Variants in PPP3CB observed in about 807,000 individuals in gnomAD.
PPP3CB encodes the protein protein phosphatase 3 catalytic subunit beta.
PPP3CB carries 8 observed loss-of-function variants against 66.4 expected under a neutral mutation model. That is an observed-to-expected ratio of 0.12 (90% CI 0.07 to 0.22). The LOEUF (loss-of-function observed/expected upper bound fraction) is 0.22, where lower values mean the gene tolerates loss of function less well. Among genes scored for constraint, PPP3CB ranks in the 10% least tolerant of loss-of-function variants. The pLI is 1.00. For missense variants in PPP3CB, 319 were observed against 642.5 expected (o/e 0.50, Z 5.44); for synonymous variants, 208 against 221.2 (o/e 0.94, Z 0.53).
chr10:73,457,925 G>A (rs1192043112), intron 9 of PPP3CB, among the ~76,000 whole-genome samples: 1 of 152,078 alleles, frequency 6.6e-6, no homozygotes, highest in Non-Finnish European at 1.5e-5. Flanking sequence ...AATAATATAT[G>A]TACATGGAGG....
intron 1 of PPP3CB, among the ~76,000 whole-genome samples, chr10:73,489,058 A>T (rs1024948778): frequency 1.3e-5 from 2 of 152,228 alleles, no homozygotes; most frequent in African/African-American, 4.8e-5. Context: ...AACCATTCTC[A>T]GTCTTTTACA....
intron 9 of PPP3CB, 24 bp downstream of exon 9, chr10:73,467,529 T>A (rs1409130693): frequency 2.7e-6 from 4 of 1,466,420 alleles, no homozygotes; most frequent in Non-Finnish European, 3.6e-6. Context: ...TAAAACAAAT[T>A]TTTTTTAAAA....
chr10:73,479,904 G>A (rs1343800608), intron 1 of PPP3CB, among the ~76,000 whole-genome samples: 1 of 152,098 alleles, frequency 6.6e-6, no homozygotes, highest in African/African-American at 2.4e-5. Flanking sequence ...AAGCATGTCT[G>A]TAATCACGAC....
rs764676045 is a variant in PPP3CB, at chr10:73,473,815, C to G, written c.523+1104G>C. ...TAAACATTGCAGGTTAAGAATTTCA[C>G]CAACTGTACCTGACTAGTCTTAAAA... On this transcript the variant is annotated intron_variant, in intron 4 of 13. Transcript: ENST00000360663. 2.4e-4 allele frequency among the ~76,000 whole-genome samples: 37 copies of G among 151,858 alleles called. 1 individual carries two copies. Among genetic ancestry groups the G allele is most frequent in the Non-Finnish European group, 4.7e-4 (32 of 67,976 alleles).
At chr10:73,465,191 G>A (rs1813770157) in intron 9 of PPP3CB, among the ~76,000 whole-genome samples, 1 of 151,960 alleles carries the variant, frequency 6.6e-6, no homozygotes, top group South Asian at 2.1e-4. Context: ...ACTCTACCTT[G>A]GTGTATGTTG....
At chr10:73,449,872 T>G (rs939064161) in intron 10 of PPP3CB, among the ~76,000 whole-genome samples, 1 of 152,072 alleles carries the variant, frequency 6.6e-6, no homozygotes, top group South Asian at 2.1e-4. Context: ...CTCGGCTCAC[T>G]GCAACCTCTG....
intron 3 of PPP3CB, 103 bp from the exon 4 acceptor site, chr10:73,475,133 ATCTT>A (rs1380715809): frequency 3.9e-5 from 54 of 1,375,888 alleles, no homozygotes; most frequent in Admixed American, 1.2e-4. Flanking sequence ...ATCCTCTATT[ATCTT>A]TCTTTGTCCC....
At chr10:73,484,532 A>G (rs557691838) in intron 1 of PPP3CB, among the ~76,000 whole-genome samples, 149 of 150,470 alleles carry the variant, frequency 9.9e-4, no homozygotes, top group Admixed American at 3.0e-3. Context: ...CGGCCTCCCA[A>G]AGTGCTGGGA....
At chr10:73,442,258 C>A (rs568635474) in intron 12 of PPP3CB, among the ~76,000 whole-genome samples, 1 of 152,272 alleles carries the variant, frequency 6.6e-6, no homozygotes, top group South Asian at 2.1e-4. Context: ...GTCCCTCCAG[C>A]AAAGCTGCTG....
chr10:73,456,311 A>G (rs974931971), intron 9 of PPP3CB, among the ~76,000 whole-genome samples: 26 of 152,250 alleles, frequency 1.7e-4, no homozygotes, highest in African/African-American at 6.3e-4. Flanking sequence ...CAAAAGGTTG[A>G]TGGAAAACAT....
intron 1 of PPP3CB, among the ~76,000 whole-genome samples, chr10:73,493,560 T>A (rs529516810): frequency 2.0e-5 from 3 of 152,332 alleles, no homozygotes; most frequent in African/African-American, 7.2e-5. Flanking sequence ...AATTTCTGGA[T>A]CTGTAAGAAA....
At chr10:73,478,855 T>G (rs918954593) in intron 2 of PPP3CB, among the ~76,000 whole-genome samples, 4 of 152,192 alleles carry the variant, frequency 2.6e-5, no homozygotes, top group African/African-American at 9.7e-5. Context: ...AGTGACAAAC[T>G]GAAATCTACA....
At chr10:73,457,290 A>AAAAAAAAAAAC in intron 9 of PPP3CB, among the ~76,000 whole-genome samples, 1 of 146,830 alleles carries the variant, frequency 6.8e-6, no homozygotes, top group Non-Finnish European at 1.5e-5. Context: ...AAAAAAAAAA[A>AAAAAAAAAAAC]GCTAGTCATG....
At chr10:73,490,346 A>G (rs545864960) in intron 1 of PPP3CB, among the ~76,000 whole-genome samples, 1 of 152,170 alleles carries the variant, frequency 6.6e-6, no homozygotes, top group East Asian at 1.9e-4. Flanking sequence ...TTTCATGAAT[A>G]TTTATTCATG....
intron 1 of PPP3CB, 117 bp downstream of exon 1, chr10:73,495,688 G>A (rs1031433048): frequency 1.1e-5 from 16 of 1,420,546 alleles, no homozygotes; most frequent in Non-Finnish European, 1.5e-5. Context: ...CCCCAAGGGA[G>A]GCAGCCAGTC....
intron 9 of PPP3CB, among the ~76,000 whole-genome samples, chr10:73,457,431 A>G (rs1233862425): frequency 6.6e-6 from 1 of 152,068 alleles, no homozygotes; most frequent in Non-Finnish European, 1.5e-5. Context: ...GTGAAAGCCT[A>G]AAGGACATTA....
intron 3 of PPP3CB, among the ~76,000 whole-genome samples, chr10:73,476,742 A>T (rs1304397029): frequency 6.6e-6 from 1 of 152,080 alleles, no homozygotes; most frequent in East Asian, 1.9e-4. Flanking sequence ...AATGCCTGAA[A>T]TTTTTTTGTT....
At chr10:73,462,136 CCTT>C (rs372446253) in intron 9 of PPP3CB, among the ~76,000 whole-genome samples, 180 of 146,190 alleles carry the variant, frequency 1.2e-3, no homozygotes, top group African/African-American at 4.3e-3. Flanking sequence ...CAATTAAACT[CCTT>C]CTTTTTTTTT....
intron 4 of PPP3CB, 135 bp downstream of exon 4, chr10:73,474,784 T>C (rs987494865): frequency 7.5e-7 from 1 of 1,331,256 alleles, no homozygotes. Flanking sequence ...GCTCGACAAC[T>C]TTCCTCAAAG....
Sources: gnomAD v4.1 joint callset for allele counts (sites outside exome capture counted in the v4.1 genomes callset) on GRCh38, gnomAD v4.1.1 for gene constraint, MANE v1.5 for transcripts, NCBI Gene and HGNC (gene_info 2026-07-23, HGNC 2026-07-21) for gene names.